RAB3IP: variants seen among roughly 807,000 people sequenced by gnomAD.
The protein encoded by RAB3IP is RAB3A interacting protein.
Under a neutral mutation model 59.1 loss-of-function variants are expected in RAB3IP, and 36 were observed. The observed-to-expected ratio is 0.61, with a 90% CI of 0.47 to 0.80. RAB3IP has a LOEUF of 0.80. Ranked by LOEUF, RAB3IP falls within the 30% of genes least tolerant of loss-of-function variation. The pLI, the probability that RAB3IP is intolerant of heterozygous loss-of-function variation, is 0.00. For synonymous variants in RAB3IP, 207 were observed against 191.2 expected, an observed-to-expected ratio of 1.08 and a Z score of -0.68; for missense variants, 511 against 536.0, an observed-to-expected ratio of 0.95 and a Z score of 0.46.
At chr12:69,758,996 T>C (rs921155825) in intron 3 of RAB3IP, among the ~76,000 whole-genome samples, 9 of 151,904 alleles carry the variant, frequency 5.9e-5, no homozygotes, top group Non-Finnish European at 1.3e-4. Context: ...CTAAGATTTT[T>C]TTTTTTTAAT....
rs1881575581 is a variant in RAB3IP at position 69,820,420 on chromosome 12, T to C, written c.*4974T>C. 6.6e-6 allele frequency: 1 copy of C among 152,270 alleles called. No individual in the cohort carries two copies. The highest frequency in any genetic ancestry group is 1.5e-5 in the Non-Finnish European group (1 of 68,118). 9.4% of individuals were successfully genotyped at this position (152,270 alleles called of 1,614,324 possible). A position where few individuals can be genotyped will look rare whatever the true frequency, so the allele number is the denominator to read the frequency against. On this transcript the variant is annotated 3_prime_UTR_variant, in exon 11 of 11. Transcript: ENST00000247833. ...TCTTTCACCTGAACTCCTGCACTAA[T>C]GTCTGCTGTCCTTGCATCCACTCCT...
chr12:69,805,287 GCTCT>G (rs1254743414), intron 8 of RAB3IP, among the ~76,000 whole-genome samples: 1 of 151,842 alleles, frequency 6.6e-6, no homozygotes, highest in Admixed American at 6.6e-5. Context: ...TCATGATTTG[GCTCT>G]CTGTTTGTCT....
chr12:69,806,899 A>G (rs1879401478), intron 8 of RAB3IP, among the ~76,000 whole-genome samples: 2 of 152,168 alleles, frequency 1.3e-5, no homozygotes, highest in African/African-American at 4.8e-5. Flanking sequence ...GTTGGGGGTA[A>G]GGTTATAGAT....
At chr12:69,752,934 T>C (rs1388230252) in intron 1 of RAB3IP, among the ~76,000 whole-genome samples, 1 of 152,222 alleles carries the variant, frequency 6.6e-6, no homozygotes, top group East Asian at 1.9e-4. Flanking sequence ...AAAATTCTTT[T>C]GGGTGAAAAA....
At chr12:69,764,809 T>G (rs1871933703) in intron 3 of RAB3IP, among the ~76,000 whole-genome samples, 1 of 152,218 alleles carries the variant, frequency 6.6e-6, no homozygotes, top group Non-Finnish European at 1.5e-5. Context: ...CTTTGTGTTA[T>G]TTATGATTTA....
At chr12:69,806,331 G>T (rs1477354556) in intron 8 of RAB3IP, among the ~76,000 whole-genome samples, 8 of 152,154 alleles carry the variant, frequency 5.3e-5, no homozygotes, top group Admixed American at 1.3e-4. Flanking sequence ...TTCTGTGGGA[G>T]CAGTGGTGAT....
chr12:69,756,274 C>T (rs1870195376), intron 2 of RAB3IP, 131 bp from the exon 3 acceptor site: 2 of 868,814 alleles, frequency 2.3e-6, no homozygotes, highest in Non-Finnish European at 1.8e-6. Flanking sequence ...GCTGATATGA[C>T]TGAGGACATA....
At chr12:69,789,033 A>T (rs1271280676) in intron 4 of RAB3IP, among the ~76,000 whole-genome samples, 2 of 152,078 alleles carry the variant, frequency 1.3e-5, no homozygotes, top group East Asian at 3.8e-4. Context: ...AACTTAAGAG[A>T]TGCAGAAAAA....
At position 69,818,738 on chromosome 12, in the gene RAB3IP, A is replaced by G. The variant is rs139226472; in HGVS notation, c.*3292A>G. ...TCTTATAAAAGTCAAGAACAACTAA[A>G]ACTGAACAGCTGTTTAGGCATTGAC... On this transcript the variant is annotated 3_prime_UTR_variant, in exon 11 of 11. Transcript: ENST00000247833. 1.3e-5 allele frequency: 2 copies of G among 152,314 alleles called. No individual in the cohort carries two copies. The highest frequency in any genetic ancestry group is 1.3e-4 in the Admixed American group (2 of 15,296). The allele number at this position is 152,314 out of a possible 1,614,324, so 9.4% of individuals were successfully genotyped here.
chr12:69,770,288 G>A (rs1479926879), intron 3 of RAB3IP, among the ~76,000 whole-genome samples: 2 of 151,618 alleles, frequency 1.3e-5, no homozygotes, highest in African/African-American at 2.4e-5. Context: ...CTCCAAATCC[G>A]CCCCCCCACC....
At position 69,802,609 on chromosome 12, in the gene RAB3IP, G is replaced by C. The variant is rs576750842; in HGVS notation, c.1130+888G>C. 8.5e-5 allele frequency among the ~76,000 whole-genome samples: 13 copies of C among 152,322 alleles called. 1 individual carries two copies. The highest frequency in any genetic ancestry group is 1.6e-4 in the Non-Finnish European group (11 of 68,030). ...GATGCTTATTAAGTGCTTAGAGCCA[G>C]ATCAATATAGGGGACTGGAAAGACT... On this transcript the variant is annotated intron_variant, in intron 8 of 10. Transcript: ENST00000247833.
chr12:69,794,378 G>T lies in RAB3IP; in HGVS notation c.607-59G>T, dbSNP rs373953553. ...TGCTTCAATTGTAAACATTTGGCAA[G>T]AACTTTTTGAAAACAAATGCTACTT... On this transcript the variant is annotated intron_variant, in intron 4 of 10. Coordinates refer to ENST00000247833, the MANE Select transcript of RAB3IP (RefSeq NM_022456.5). The T allele has an allele frequency of 7.8e-6, 11 of 1,412,318 alleles. No individual in the cohort carries two copies. The East Asian group carries it at 1.6e-4, about 21-fold the overall frequency. 87.5% of individuals were successfully genotyped at this position (1,412,318 alleles called of 1,614,324 possible).
At chr12:69,758,756 C>CTT (rs71437121) in intron 3 of RAB3IP, among the ~76,000 whole-genome samples, 921 of 48,130 alleles carry the variant, frequency 0.019, 17 homozygotes, top group Middle Eastern at 0.025. Context: ...GTGTTCATTC[C>CTT]TTTTTTTTTT....
At chr12:69,788,966 A>G (rs894686670) in intron 4 of RAB3IP, among the ~76,000 whole-genome samples, 1 of 152,128 alleles carries the variant, frequency 6.6e-6, no homozygotes. Flanking sequence ...TCAAAAAATC[A>G]AAAGGGAACT....
At chr12:69,758,756 C>CTTTTTTTTTTTTTTTTTTT (rs71437121) in intron 3 of RAB3IP, among the ~76,000 whole-genome samples, 1 of 48,228 alleles carries the variant, frequency 2.1e-5, no homozygotes, top group Non-Finnish European at 3.7e-5. Flanking sequence ...GTGTTCATTC[C>CTTTTTTTTTTTTTTTTTTT]TTTTTTTTTT....
chr12:69,812,934 C>T lies in RAB3IP; in HGVS notation c.1231-30C>T. The T allele has an allele frequency of 2.5e-6, 4 of 1,605,710 alleles. No homozygotes were observed. The South Asian group carries it at 4.4e-5, about 18-fold the overall frequency. On this transcript the variant is annotated intron_variant, in intron 9 of 10. Coordinates refer to ENST00000247833, the MANE Select transcript of RAB3IP (RefSeq NM_022456.5). The stretch of plus-strand genomic sequence containing the variant: ...CTTGCTTTGATATGGGACATTTGAC[C>T]ATTCATGACATTTTCTCCATTTGGC...
At chr12:69,769,855 T>C (rs927491713) in intron 3 of RAB3IP, among the ~76,000 whole-genome samples, 5 of 152,366 alleles carry the variant, frequency 3.3e-5, no homozygotes, top group Admixed American at 2.6e-4. Flanking sequence ...GTCAAAATTA[T>C]AGTCAGCTAG....
At chr12:69,800,176 A>G in intron 6 of RAB3IP, 33 bp from the exon 7 acceptor site, 1 of 1,476,406 alleles carries the variant, frequency 6.8e-7, no homozygotes, top group South Asian at 1.5e-5. Context: ...TACGTTTTAA[A>G]ACATGTTTTT....
chr12:69,763,352 A>G (rs997450350), intron 3 of RAB3IP, among the ~76,000 whole-genome samples: 4 of 152,196 alleles, frequency 2.6e-5, no homozygotes, highest in Admixed American at 6.5e-5. Context: ...AAACACTCTG[A>G]TAGTAAGCAG....
Sources: gnomAD v4.1 joint callset for allele counts (sites outside exome capture counted in the v4.1 genomes callset) on GRCh38, gnomAD v4.1.1 for gene constraint, MANE v1.5 for transcripts, NCBI Gene and HGNC (gene_info 2026-07-23, HGNC 2026-07-21) for gene names.